WWOX: variants seen among roughly 807,000 people sequenced by gnomAD.
The protein encoded by WWOX is WW domain containing oxidoreductase.
WWOX carries 69 observed loss-of-function variants against 46.2 expected under a neutral mutation model. The observed-to-expected ratio is 1.49, with a 90% CI of 1.23 to 1.82. WWOX has a LOEUF of 1.82. WWOX is among the 40% of genes most tolerant of loss of function. The pLI, the probability that WWOX is intolerant of heterozygous loss-of-function variation, is 0.00. For missense variants in WWOX, 919 were observed against 542.6 expected (o/e 1.69, Z -6.89); for synonymous variants, 359 against 202.6 (o/e 1.77, Z -6.56).
At chr16:78,147,012 C>T (rs1333394985) in intron 4 of WWOX, among the ~76,000 whole-genome samples, 1 of 152,144 alleles carries the variant, frequency 6.6e-6, no homozygotes, top group Non-Finnish European at 1.5e-5. Context: ...GAGATGGTGT[C>T]AGCATTATTT....
intron 8 of WWOX, among the ~76,000 whole-genome samples, chr16:78,508,695 C>T (rs547955467): frequency 6.6e-6 from 1 of 152,260 alleles, no homozygotes; most frequent in Non-Finnish European, 1.5e-5. Flanking sequence ...AGAAGAAACG[C>T]TGGTGGTCAT....
intron 5 of WWOX, among the ~76,000 whole-genome samples, chr16:78,354,545 C>G (rs866506029): frequency 5.3e-5 from 8 of 152,002 alleles, no homozygotes; most frequent in African/African-American, 1.9e-4. Context: ...TTAGAAGAGA[C>G]CCTTATTTTT....
intron 8 of WWOX, among the ~76,000 whole-genome samples, chr16:78,666,047 G>C (rs1306331339): frequency 2.6e-5 from 4 of 151,968 alleles, no homozygotes; most frequent in Admixed American, 1.3e-4. Flanking sequence ...CACTCTGGGA[G>C]GCTAAGGCTG....
rs1567563533 is a variant in WWOX, at chr16:78,422,776, T to TATATATACACACAC, written c.606-2087_606-2086insCACACACATATATA. ...ATATATACACATATATATACACACA[T>TATATATACACACAC]ATATATATACACACACACATATATA... On this transcript the variant is annotated intron_variant, in intron 6 of 8. Coordinates refer to ENST00000566780, the MANE Select transcript of WWOX (RefSeq NM_016373.4). 5.4e-5 allele frequency among the ~76,000 whole-genome samples: 6 copies of TATATATACACACAC among 111,498 alleles called. No individual in the cohort carries two copies. In the South Asian group the frequency reaches 1.8e-3, roughly 33 times the overall value. 73.1% of individuals were successfully genotyped at this position (111,498 alleles called of 152,430 possible).
At chr16:79,010,712 G>A (rs752390821) in intron 8 of WWOX, among the ~76,000 whole-genome samples, 1 of 151,954 alleles carries the variant, frequency 6.6e-6, no homozygotes, top group African/African-American at 2.4e-5. Flanking sequence ...GAGGAGGTTT[G>A]GCCATGGGTA....
intron 8 of WWOX, among the ~76,000 whole-genome samples, chr16:78,910,300 A>G (rs1449711559): frequency 6.6e-6 from 1 of 150,512 alleles, no homozygotes; most frequent in Admixed American, 6.6e-5. Flanking sequence ...ACATGACAAA[A>G]TGGATCCTCC....
intron 8 of WWOX, among the ~76,000 whole-genome samples, chr16:79,028,962 T>C (rs2656646): frequency 0.17 from 25,696 of 151,666 alleles, 2,739 homozygotes; most frequent in African/African-American, 0.26. Context: ...GCATATCTAG[T>C]ACCTATGCTA....
intron 8 of WWOX, among the ~76,000 whole-genome samples, chr16:78,451,570 C>T (rs1404671145): frequency 6.6e-6 from 1 of 152,150 alleles, no homozygotes; most frequent in African/African-American, 2.4e-5. Context: ...AGCCACATTA[C>T]CTCCTTGGGC....
In WWOX at chr16:78,559,220, G is replaced by A. The variant is rs541584856; in HGVS notation, c.1056+126468G>A. Among the ~76,000 whole-genome samples, 12 of 152,346 alleles carry A rather than the reference G, an allele frequency of 7.9e-5. No homozygotes were observed. The South Asian group carries it at 2.5e-3, about 32-fold the overall frequency. On this transcript the variant is annotated intron_variant, in intron 8 of 8. Transcript: ENST00000566780. ...GAAAGCACTGGGAGCGTTTATGAAT[G>A]TTGTGGTATCTCACATAATAAGGGG...
intron 8 of WWOX, among the ~76,000 whole-genome samples, chr16:78,664,444 T>C (rs1396159895): frequency 6.6e-6 from 1 of 152,186 alleles, no homozygotes; most frequent in Non-Finnish European, 1.5e-5. Flanking sequence ...GCTTTGAGCT[T>C]CTTCCTCGAT....
rs115403345 is a variant in WWOX, at chr16:78,344,082, C to A, written c.517-42778C>A. On this transcript the variant is annotated intron_variant, in intron 5 of 8. Transcript: ENST00000566780. ...AATGTTCCAGAATGCCATTATTCTTCGTCACCACGGTCAGGTATATCATCC... is the reference window on the plus strand; with the variant it reads ...AATGTTCCAGAATGCCATTATTCTTAGTCACCACGGTCAGGTATATCATCC... Among the ~76,000 whole-genome samples the A allele has an allele frequency of 3.4e-5, 4 of 118,862 alleles. 1 individual carries two copies. Among genetic ancestry groups the A allele is most frequent in the African/African-American group, 1.1e-4 (4 of 34,910 alleles). 78.0% of individuals were successfully genotyped at this position (118,862 alleles called of 152,430 possible).
At chr16:78,157,727 G>A (rs2034654442) in intron 4 of WWOX, among the ~76,000 whole-genome samples, 1 of 152,228 alleles carries the variant, frequency 6.6e-6, no homozygotes, top group African/African-American at 2.4e-5. Context: ...AAACGGAATG[G>A]TGGAGCCCGA....
At chr16:78,522,356 G>T (rs1359543364) in intron 8 of WWOX, among the ~76,000 whole-genome samples, 1 of 152,036 alleles carries the variant, frequency 6.6e-6, no homozygotes, top group Non-Finnish European at 1.5e-5. Flanking sequence ...CTAATTCTTT[G>T]AGTGTTTCTG....
chr16:78,607,945 A>G (rs2045802069), intron 8 of WWOX, among the ~76,000 whole-genome samples: 1 of 152,178 alleles, frequency 6.6e-6, no homozygotes. Context: ...AATTATGGAA[A>G]GAAAATCGCA....
At chr16:78,620,456 T>A (rs2046150731) in intron 8 of WWOX, among the ~76,000 whole-genome samples, 1 of 152,176 alleles carries the variant, frequency 6.6e-6, no homozygotes, top group Non-Finnish European at 1.5e-5. Flanking sequence ...CGAAACTTGG[T>A]CCCTGGATGG....
intron 8 of WWOX, among the ~76,000 whole-genome samples, chr16:78,833,618 A>G (rs1419261396): frequency 2.6e-5 from 4 of 152,158 alleles, no homozygotes; most frequent in African/African-American, 9.7e-5. Flanking sequence ...TACTGCACAT[A>G]TGTTCCTTTC....
chr16:79,035,149 C>T (rs534918457), intron 8 of WWOX, among the ~76,000 whole-genome samples: 16 of 152,098 alleles, frequency 1.1e-4, no homozygotes, highest in African/African-American at 2.9e-4. Flanking sequence ...ATCATTTGAC[C>T]GTCAGTATTT....
intron 8 of WWOX, among the ~76,000 whole-genome samples, chr16:78,946,322 T>C (rs1246380367): frequency 6.6e-6 from 1 of 152,080 alleles, no homozygotes; most frequent in Non-Finnish European, 1.5e-5. Flanking sequence ...CCCAAGTAGC[T>C]GGGATTACAG....
intron 1 of WWOX, among the ~76,000 whole-genome samples, chr16:78,100,881 ACCTACTGTAG>A: frequency 6.6e-6 from 1 of 152,138 alleles, no homozygotes; most frequent in South Asian, 2.1e-4. Flanking sequence ...TCCATAGAGA[ACCTACTGTAG>A]CCGACTCTCA....
Sources: gnomAD v4.1 joint callset for allele counts (sites outside exome capture counted in the v4.1 genomes callset) on GRCh38, gnomAD v4.1.1 for gene constraint, MANE v1.5 for transcripts, NCBI Gene and HGNC (gene_info 2026-07-23, HGNC 2026-07-21) for gene names.